MISFA: variants seen among roughly 807,000 people sequenced by gnomAD.
The protein encoded by MISFA is mitochondrial sheath formation-associated protein.
At chr11:18,602,908 G>A in the MISFA span, 1 of 379,652 alleles carries the variant, frequency 2.6e-6, no homozygotes, top group Non-Finnish European at 4.7e-6. Flanking sequence ...AAGGTTACAG[G>A]AGCTGATATC....
Sources: gnomAD v4.1 joint callset for allele counts on GRCh38, gnomAD v4.1.1 for gene constraint, MANE v1.5 for transcripts, NCBI Gene and HGNC (gene_info 2026-07-23, HGNC 2026-07-21) for gene names.